The following UNK variants were observed in gnomAD, a reference collection of about 807,000 sequenced individuals.
UNK encodes RING finger protein unkempt homolog.
A neutral mutation model predicts 97.6 loss-of-function variants in UNK; 32 were observed. The observed-to-expected ratio is 0.33, with a 90% CI of 0.25 to 0.44. The LOEUF is 0.44. Among genes scored for constraint, UNK ranks in the 20% least tolerant of loss-of-function variants. The probability of loss-of-function intolerance (pLI) is 1.00; values close to 1 mark genes in which losing one functional copy is unlikely to be tolerated. For missense variants in UNK, 771 were observed against 1,098.4 expected (o/e 0.70, Z 4.21); for synonymous variants, 441 against 461.2 (o/e 0.96, Z 0.56).
rs568651330 is a variant in UNK at position 75,818,939 on chromosome 17, G to A, written c.1546+123G>A. ...TTAGACATCTGTCTTCGGAAAATCA[G>A]GGGATGGGCACTCTGAGTCCTTTGA... On this transcript the variant is annotated intron_variant, in intron 11 of 15. Transcript: ENST00000589666. This position sits in a 1 kb window ranked among gnomAD's most constrained non-coding sequence, Gnocchi z 5.1. 1.2e-4 allele frequency: 143 copies of A among 1,178,952 alleles called. No homozygotes were observed. In the South Asian group the frequency reaches 2.4e-3, roughly 20 times the overall value. 73.0% of individuals were successfully genotyped at this position (1,178,952 alleles called of 1,614,324 possible).
At chr17:75,794,359 G>T (rs1186709246) in intron 1 of UNK, among the ~76,000 whole-genome samples, 1 of 152,064 alleles carries the variant, frequency 6.6e-6, no homozygotes. Flanking sequence ...TTAGTTAGCC[G>T]GGCATGGTGG....
Position 75,812,005 on chromosome 17 carries a change from A to AAAC in UNK, c.315-89_315-87dup, listed in dbSNP as rs149206483. 367 of 1,347,292 alleles carry AAAC rather than the reference A, an allele frequency of 2.7e-4. 4 individuals carry two copies. In the Admixed American group the frequency reaches 8.0e-3, roughly 29 times the overall value. 83.5% of individuals were successfully genotyped at this position (1,347,292 alleles called of 1,614,324 possible). A position where few individuals can be genotyped will look rare whatever the true frequency, so the allele number is the denominator to read the frequency against. On this transcript the variant is annotated intron_variant, in intron 2 of 15. Coordinates refer to ENST00000589666, the MANE Select transcript of UNK (RefSeq NM_001080419.3). ...GTCTCAAAAACAAAACAAAACAAAC[A>AAAC]AACAACAACAACAACAACAAAAACA...
At position 75,818,722 on chromosome 17, in the gene UNK, C is replaced by T. The variant is rs762841912; in HGVS notation, c.1452C>T (p.Thr484=). 43 of 1,613,042 alleles carry T rather than the reference C, an allele frequency of 2.7e-5. 1 individual carries two copies. The highest frequency in any genetic ancestry group is 5.5e-5 in the South Asian group (5 of 90,948). Residue 484 remains threonine (T), a synonymous_variant, in exon 11 of 16, where the codon ACC becomes ACT. Transcript: ENST00000589666. The surrounding 1 kb of genome is among the most constrained non-coding windows in gnomAD (Gnocchi z 5.1). ...SSSITSSLAA[T]PPSPVGTSSV... ...GTATCACCTCCAGCCTGGCAGCTAC[C>T]CCCCCTAGCCCAGTGGGCACCAGCA...
At chr17:75,809,437 T>C (rs2061948564) in intron 1 of UNK, among the ~76,000 whole-genome samples, 1 of 152,202 alleles carries the variant, frequency 6.6e-6, no homozygotes, top group Non-Finnish European at 1.5e-5. Context: ...CTGTGATTAG[T>C]GGTTTGGCTT....
intron 1 of UNK, among the ~76,000 whole-genome samples, chr17:75,789,727 G>C (rs2061745770): frequency 6.6e-6 from 1 of 152,104 alleles, no homozygotes; most frequent in Admixed American, 6.6e-5. Context: ...CTTGTATATT[G>C]GAAGAGTTTT....
rs2143836163 is a variant in UNK at position 75,823,351 on chromosome 17, G to A, written c.2106G>A (p.Gln702=). The change falls in exon 15 of 16, where the codon CAG becomes CAA. Residue 702 remains glutamine (Q), a synonymous_variant. Transcript: ENST00000589666. ...AGAECELARE[Q]RDALEVQVKK... is the part of the protein sequence containing the mutation. ...CCGAGTGCGAGCTGGCCCGGGAGCAGCGGGATGCACTGGAGGTGCAGGTGA... is the reference window on the plus strand; with the variant it reads ...CCGAGTGCGAGCTGGCCCGGGAGCAACGGGATGCACTGGAGGTGCAGGTGA... 1.2e-6 allele frequency: 2 copies of A among 1,611,770 alleles called. No individual in the cohort carries two copies. Among genetic ancestry groups the A allele is most frequent in the Non-Finnish European group, 1.7e-6 (2 of 1,179,254 alleles).
At chr17:75,794,154 T>C (rs1391865880) in intron 1 of UNK, 27 of 973,280 alleles carry the variant, frequency 2.8e-5, no homozygotes, top group Non-Finnish European at 3.3e-5. Flanking sequence ...TTATAATGAA[T>C]ACAAAAATGT....
intron 1 of UNK, among the ~76,000 whole-genome samples, chr17:75,803,037 C>T (rs996839215): frequency 4.0e-5 from 3 of 75,052 alleles, no homozygotes; most frequent in Admixed American, 3.4e-4. Flanking sequence ...CCAAGGTGGG[C>T]GGATCACGAG....
chr17:75,805,646 A>T (rs1033206368), intron 1 of UNK, among the ~76,000 whole-genome samples: 1 of 151,658 alleles, frequency 6.6e-6, no homozygotes, highest in African/African-American at 2.4e-5. Flanking sequence ...AAAATAAAAA[A>T]AATTTAGCTG....
At chr17:75,803,382 A>G (rs2061881671) in intron 1 of UNK, among the ~76,000 whole-genome samples, 1 of 152,144 alleles carries the variant, frequency 6.6e-6, no homozygotes, top group Non-Finnish European at 1.5e-5. Flanking sequence ...CAGCCTGGTG[A>G]CAGAGCCAGA....
chr17:75,791,623 C>A, intron 1 of UNK: 1 of 539,848 alleles, frequency 1.9e-6, no homozygotes, highest in Non-Finnish European at 2.4e-6. Flanking sequence ...CATTTAATCC[C>A]ACAAAATCCC....
At position 75,815,207 on chromosome 17, in the gene UNK, G is replaced by A; in HGVS notation, c.915G>A (p.Ser305=). 8 of 1,613,508 alleles carry A rather than the reference G, an allele frequency of 5.0e-6. No individual in the cohort carries two copies. Among genetic ancestry groups the A allele is most frequent in the Admixed American group, 1.7e-5 (1 of 60,026 alleles). ...KSTKCNDMQQ[S]GSCPRGPFCA... ...CCAAGTGCAACGACATGCAGCAGTC[G>A]GGCAGCTGTCCCCGAGGACCCTTCT... Residue 305 remains serine, a synonymous_variant, in exon 7 of 16, where the codon TCG becomes TCA. Coordinates refer to ENST00000589666, the MANE Select transcript of UNK (RefSeq NM_001080419.3).
chr17:75,810,996 C>T (rs2061964221), intron 2 of UNK, among the ~76,000 whole-genome samples: 1 of 151,602 alleles, frequency 6.6e-6, no homozygotes, highest in African/African-American at 2.4e-5. Flanking sequence ...GGAATGGGCA[C>T]CTGCTTCCAC....
At chr17:75,787,935 A>G (rs1426952414) in intron 1 of UNK, among the ~76,000 whole-genome samples, 1 of 151,932 alleles carries the variant, frequency 6.6e-6, no homozygotes, top group Non-Finnish European at 1.5e-5. Context: ...CTACAGGCAC[A>G]TACCACCATA....
chr17:75,798,643 G>A (rs2143708516), intron 1 of UNK, among the ~76,000 whole-genome samples: 1 of 152,220 alleles, frequency 6.6e-6, no homozygotes, highest in Non-Finnish European at 1.5e-5. Flanking sequence ...ACCATGCCTG[G>A]CCGATACCCA....
At chr17:75,800,510 G>A (rs1208943389) in intron 1 of UNK, among the ~76,000 whole-genome samples, 1 of 151,522 alleles carries the variant, frequency 6.6e-6, no homozygotes, top group African/African-American at 2.4e-5. Context: ...AGGCCGAGGC[G>A]GGCGGATCAT....
chr17:75,820,005 C>G lies in UNK; in HGVS notation c.1734C>G (p.Ser578=), dbSNP rs367569728. 3.5e-5 allele frequency: 57 copies of G among 1,613,906 alleles called. No homozygotes were observed. The African/African-American group carries it at 7.2e-4, about 20-fold the overall frequency. ...CCTCCTTCCACTCAGCATCCCCGTC[C>G]CCTCCCGTCAGCCTCTCCTCGCATT... ...SSASFHSASP[S]PPVSLSSHFL... The change falls in exon 13 of 16, where the codon TCC becomes TCG. Residue 578 remains serine, a synonymous_variant. Transcript: ENST00000589666.
At chr17:75,807,778 C>T (rs2061932260) in intron 1 of UNK, among the ~76,000 whole-genome samples, 2 of 150,730 alleles carry the variant, frequency 1.3e-5, no homozygotes, top group Non-Finnish European at 1.5e-5. Flanking sequence ...TAGTAGAGAC[C>T]GGGTTTCAGC....
At chr17:75,790,883 T>C (rs1324452233) in intron 1 of UNK, among the ~76,000 whole-genome samples, 1 of 151,684 alleles carries the variant, frequency 6.6e-6, no homozygotes, top group African/African-American at 2.4e-5. Context: ...GAGGTTGCAG[T>C]GAGCCGAGAT....
Sources: gnomAD v4.1 joint callset for allele counts (sites outside exome capture counted in the v4.1 genomes callset) on GRCh38, gnomAD v4.1.1 for gene constraint, Gnocchi (gnomAD v3.1) non-coding constraint, MANE v1.5 for transcripts, NCBI Gene and HGNC (gene_info 2026-07-23, HGNC 2026-07-21) for gene names.